TRIM16: variants seen among roughly 807,000 people sequenced by gnomAD.
TRIM16 encodes tripartite motif-containing protein 16.
A neutral mutation model predicts 50.4 loss-of-function variants in TRIM16; 33 were observed. That is an observed-to-expected ratio of 0.65 (90% CI 0.50 to 0.88). The LOEUF is 0.88. Ranked by LOEUF, TRIM16 falls within the 40% of genes least tolerant of loss-of-function variation. TRIM16 has a pLI of 0.00. For missense variants in TRIM16, 581 were observed against 686.8 expected (o/e 0.85, Z 1.72); for synonymous variants, 229 against 270.7 (o/e 0.85, Z 1.51).
intron 7 of TRIM16, among the ~76,000 whole-genome samples, chr17:15,648,261 AAAC>A (rs1987513224): frequency 6.6e-5 from 8 of 121,904 alleles, no homozygotes; most frequent in South Asian, 5.0e-4. Flanking sequence ...ACAAACAAAC[AAAC>A]AAAAAAACAC....
chr17:15,637,433 T>C (rs1370967180), intron 8 of TRIM16, among the ~76,000 whole-genome samples: 29 of 80,706 alleles, frequency 3.6e-4, no homozygotes, highest in East Asian at 4.2e-4. Context: ...CCGCCCCATC[T>C]GGGAGGTGAG....
At chr17:15,655,630 A>G (rs1426367175) in intron 6 of TRIM16, among the ~76,000 whole-genome samples, 2 of 151,478 alleles carry the variant, frequency 1.3e-5, no homozygotes, top group Non-Finnish European at 2.9e-5. Flanking sequence ...GCTGGAGTTC[A>G]GTGGCATGAT....
At chr17:15,648,212 C>T (rs1350337242) in intron 7 of TRIM16, among the ~76,000 whole-genome samples, 15 of 142,500 alleles carry the variant, frequency 1.1e-4, no homozygotes, top group South Asian at 6.6e-4. Context: ...GGTGACAGAG[C>T]GAGACTCCGT....
intron 4 of TRIM16, among the ~76,000 whole-genome samples, chr17:15,679,690 C>G (rs1334294366): frequency 6.6e-6 from 1 of 152,200 alleles, no homozygotes; most frequent in African/African-American, 2.4e-5. Context: ...GTAATCCCAG[C>G]ACTTTGGGAG....
At chr17:15,674,906 C>G (rs1988863047) in intron 6 of TRIM16, among the ~76,000 whole-genome samples, 1 of 151,966 alleles carries the variant, frequency 6.6e-6, no homozygotes, top group Non-Finnish European at 1.5e-5. Flanking sequence ...GCAGGAATGA[C>G]TACAGATTAA....
chr17:15,637,329 C>T (rs1597610060), intron 8 of TRIM16, among the ~76,000 whole-genome samples: 2 of 115,994 alleles, frequency 1.7e-5, no homozygotes, highest in African/African-American at 7.8e-5. Flanking sequence ...GCCAGCCACC[C>T]CGTCCGGGAG....
At chr17:15,665,867 G>C (rs1173605641) in intron 6 of TRIM16, among the ~76,000 whole-genome samples, 1 of 151,924 alleles carries the variant, frequency 6.6e-6, no homozygotes, top group Admixed American at 6.6e-5. Flanking sequence ...CTTTCTCACA[G>C]GCACCTTGAA....
chr17:15,661,419 T>C (rs911953745), intron 6 of TRIM16, among the ~76,000 whole-genome samples: 9 of 151,942 alleles, frequency 5.9e-5, no homozygotes, highest in African/African-American at 1.9e-4. Flanking sequence ...AACCCCAACT[T>C]CCCCAGAAGC....
intron 6 of TRIM16, among the ~76,000 whole-genome samples, chr17:15,669,416 A>C (rs1284085948): frequency 6.6e-6 from 1 of 152,148 alleles, no homozygotes; most frequent in Non-Finnish European, 1.5e-5. Context: ...TATAATGTTG[A>C]AAGTTATAAG....
intron 6 of TRIM16, among the ~76,000 whole-genome samples, chr17:15,663,359 C>A (rs1988330268): frequency 6.6e-6 from 1 of 152,118 alleles, no homozygotes; most frequent in African/African-American, 2.4e-5. Context: ...AAAATAAGTA[C>A]AGAATATGAC....
intron 7 of TRIM16, among the ~76,000 whole-genome samples, chr17:15,644,182 G>A (rs1253501721): frequency 6.6e-6 from 1 of 152,096 alleles, no homozygotes; most frequent in African/African-American, 2.4e-5. Flanking sequence ...CAGCCCTTTG[G>A]GTTTGTGTCT....
Position 15,629,174 on chromosome 17 carries a change from G to A in TRIM16, c.1136C>T (p.Pro379Leu), listed in dbSNP as rs145708754. ...CCGGAGATACTTGTGTGCTGTGTCC[G>A]GGTCAAACGTGATGTCATACGCATC... is the stretch of plus-strand genomic sequence containing the variant. ...LQYAYDITFD[P>L]DTAHKYLRLQ... is the part of the protein sequence containing the mutation. Residue 379 changes from proline to leucine, a missense_variant, in exon 12 of 12, where the codon CCG becomes CTG. Pro to Leu is a moderately conservative substitution (Grantham distance 98). Coordinates refer to ENST00000649191, the MANE Select transcript of TRIM16 (RefSeq NM_001348119.1). 8.7e-6 allele frequency: 14 copies of A among 1,611,844 alleles called. No individual in the cohort carries two copies. The highest frequency in any genetic ancestry group is 4.4e-5 in the South Asian group (4 of 90,774).
intron 6 of TRIM16, among the ~76,000 whole-genome samples, chr17:15,659,289 T>C (rs1988112645): frequency 6.6e-6 from 1 of 152,224 alleles, no homozygotes. Flanking sequence ...TCTAGGGTTC[T>C]CTTTTGTCTT....
Position 15,651,783 on chromosome 17 carries a change from G to A in TRIM16, c.-174C>T, listed in dbSNP as rs148039868. On this transcript the variant is annotated 5_prime_UTR_variant, in exon 7 of 12. Transcript: ENST00000649191. ...TCATTACTGTGTGCTGGCGCTGGAT[G>A]GCAGCCAGATGCGATGACGACAAGG... The A allele has an allele frequency of 5.4e-6, 8 of 1,472,720 alleles. No homozygotes were observed. In the Admixed American group the frequency reaches 1.9e-4, roughly 35 times the overall value. 91.2% of individuals were successfully genotyped at this position (1,472,720 alleles called of 1,614,324 possible).
chr17:15,635,295 CAG>C (rs1401278829), intron 9 of TRIM16, among the ~76,000 whole-genome samples: 1 of 148,492 alleles, frequency 6.7e-6, no homozygotes, highest in East Asian at 2.0e-4. Flanking sequence ...TGTTTTCTGA[CAG>C]ATTCAGGATG....
chr17:15,669,486 C>A (rs1014175516), intron 6 of TRIM16, among the ~76,000 whole-genome samples: 2 of 152,198 alleles, frequency 1.3e-5, no homozygotes, highest in African/African-American at 2.4e-5. Flanking sequence ...CACGCACAAG[C>A]AAAGAATCTA....
At chr17:15,653,436 A>G (rs1249214466) in intron 6 of TRIM16, among the ~76,000 whole-genome samples, 1 of 152,140 alleles carries the variant, frequency 6.6e-6, no homozygotes, top group African/African-American at 2.4e-5. Context: ...AGAACCATAC[A>G]CTGGTTGGCT....
chr17:15,667,271 A>C (rs1235399726), intron 6 of TRIM16, among the ~76,000 whole-genome samples: 1 of 152,238 alleles, frequency 6.6e-6, no homozygotes. Flanking sequence ...CTGAGGCCTC[A>C]GCACATATCA....
At chr17:15,648,321 T>C (rs1031142011) in intron 7 of TRIM16, among the ~76,000 whole-genome samples, 1 of 148,698 alleles carries the variant, frequency 6.7e-6, no homozygotes, top group Non-Finnish European at 1.5e-5. Flanking sequence ...AGTGCTGAGG[T>C]CCCCATGAAA....
Sources: allele counts gnomAD v4.1 joint callset (sites outside exome capture counted in the v4.1 genomes callset), GRCh38; gene constraint gnomAD v4.1.1; transcripts MANE v1.5; gene names NCBI Gene and HGNC (gene_info 2026-07-23, HGNC 2026-07-21).